The following GABRB2 variants were observed in gnomAD, a reference collection of about 807,000 sequenced individuals.
The protein encoded by GABRB2 is gamma-aminobutyric acid receptor subunit beta-2.
A neutral mutation model predicts 54.7 loss-of-function variants in GABRB2; 16 were observed. The ratio of observed to expected loss-of-function variants is 0.29; its 90% confidence interval spans 0.20 to 0.44. The LOEUF (loss-of-function observed/expected upper bound fraction) is 0.44. Among genes scored for constraint, GABRB2 ranks in the 20% least tolerant of loss-of-function variants. The pLI is 1.00. For missense variants in GABRB2, 355 were observed against 644.0 expected (o/e 0.55, Z 4.86); for synonymous variants, 244 against 233.8 (o/e 1.04, Z -0.40).
At chr5:161,456,219 G>A (rs771549035) in intron 4 of GABRB2, among the ~76,000 whole-genome samples, 42 of 152,112 alleles carry the variant, frequency 2.8e-4, no homozygotes, top group Non-Finnish European at 4.3e-4. Context: ...CCTTCAATAT[G>A]TCTTACCCAG....
intron 4 of GABRB2, among the ~76,000 whole-genome samples, chr5:161,422,299 A>G (rs1454988813): frequency 1.3e-5 from 2 of 152,118 alleles, no homozygotes; most frequent in Non-Finnish European, 2.9e-5. Flanking sequence ...TATAGCTAAT[A>G]TATAAGTAGA....
chr5:161,385,084 C>G (rs1457865221), intron 5 of GABRB2, among the ~76,000 whole-genome samples: 1 of 152,148 alleles, frequency 6.6e-6, no homozygotes, highest in Admixed American at 6.6e-5. Context: ...GCTGGAATCT[C>G]CCGCATTGAG....
chr5:161,310,265 C>A (rs889315564), intron 9 of GABRB2, among the ~76,000 whole-genome samples: 8 of 152,114 alleles, frequency 5.3e-5, no homozygotes, highest in African/African-American at 1.9e-4. Context: ...CCCCATGACA[C>A]AAGCTTACCT....
At chr5:161,313,394 G>T (rs921463483) in intron 9 of GABRB2, among the ~76,000 whole-genome samples, 6 of 151,978 alleles carry the variant, frequency 3.9e-5, no homozygotes, top group Admixed American at 2.6e-4. Flanking sequence ...CAGATGGAAT[G>T]TACCTTTTAC....
intron 5 of GABRB2, among the ~76,000 whole-genome samples, chr5:161,387,683 C>T (rs1698427053): frequency 6.6e-6 from 1 of 152,150 alleles, no homozygotes; most frequent in Non-Finnish European, 1.5e-5. Context: ...CCCCATCTTT[C>T]ATGTCAAACT....
intron 5 of GABRB2, among the ~76,000 whole-genome samples, chr5:161,341,267 G>T (rs1242685572): frequency 6.6e-6 from 1 of 151,692 alleles, no homozygotes; most frequent in Non-Finnish European, 1.5e-5. Context: ...TATATGACCT[G>T]ACTTTTACAG....
At chr5:161,354,255 C>A (rs911107507) in intron 5 of GABRB2, among the ~76,000 whole-genome samples, 4 of 151,964 alleles carry the variant, frequency 2.6e-5, no homozygotes, top group African/African-American at 7.2e-5. Flanking sequence ...AAGGACCACA[C>A]CTCTATGCAT....
At chr5:161,498,787 G>A (rs1235465343) in intron 3 of GABRB2, among the ~76,000 whole-genome samples, 2 of 152,080 alleles carry the variant, frequency 1.3e-5, no homozygotes, top group African/African-American at 4.8e-5. Context: ...GGAATCCAAG[G>A]CTCAGGGCAT....
Position 161,499,177 on chromosome 5 carries a change from G to A in GABRB2, c.238-39333C>T, listed in dbSNP as rs111432151. ...CATTCCTTTGACTCTGCCGGACTTC[G>A]TAGCCCCCACTGCCAGGTGTTGGGG... On this transcript the variant is annotated intron_variant, in intron 3 of 9. Coordinates refer to ENST00000393959, the MANE Select transcript of GABRB2 (RefSeq NM_001371727.1). 5.8e-3 allele frequency among the ~76,000 whole-genome samples: 883 copies of A among 152,130 alleles called. 8 individuals carry two copies. The highest frequency in any genetic ancestry group is 0.02 in the African/African-American group (818 of 41,488).
At chr5:161,481,231 T>TG (rs1758753399) in intron 3 of GABRB2, among the ~76,000 whole-genome samples, 1 of 152,048 alleles carries the variant, frequency 6.6e-6, no homozygotes, top group African/African-American at 2.4e-5. Context: ...ATATTAGATG[T>TG]GGCCACATAA....
chr5:161,375,370 C>T (rs574930166), intron 5 of GABRB2, among the ~76,000 whole-genome samples: 11 of 152,192 alleles, frequency 7.2e-5, no homozygotes, highest in Middle Eastern at 3.4e-3. Flanking sequence ...CTAGCAACAG[C>T]GGGTTGGTGT....
intron 4 of GABRB2, among the ~76,000 whole-genome samples, chr5:161,456,971 C>T (rs1357008818): frequency 6.6e-6 from 1 of 152,050 alleles, no homozygotes; most frequent in Admixed American, 6.5e-5. Flanking sequence ...AGAATAAAAG[C>T]TAACTTTAAC....
chr5:161,306,266 C>T (rs964134031), intron 9 of GABRB2, among the ~76,000 whole-genome samples: 3 of 152,194 alleles, frequency 2.0e-5, no homozygotes, highest in Admixed American at 6.5e-5. Flanking sequence ...TGGTTTCTGT[C>T]GCCCTGAGGC....
At chr5:161,509,016 C>A (rs1408124376) in intron 3 of GABRB2, among the ~76,000 whole-genome samples, 1 of 151,644 alleles carries the variant, frequency 6.6e-6, no homozygotes, top group Non-Finnish European at 1.5e-5. Context: ...TTTTAACTAG[C>A]AATATGAAAT....
At chr5:161,533,461 A>G (rs1037450195) in intron 3 of GABRB2, among the ~76,000 whole-genome samples, 1 of 152,158 alleles carries the variant, frequency 6.6e-6, no homozygotes, top group African/African-American at 2.4e-5. Context: ...AGATGGAAAC[A>G]GAGTAAAGTA....
intron 3 of GABRB2, among the ~76,000 whole-genome samples, chr5:161,485,300 T>C (rs1257574366): frequency 6.6e-6 from 1 of 151,898 alleles, no homozygotes; most frequent in Admixed American, 6.6e-5. Flanking sequence ...TTTCCCCCAG[T>C]GGTCTATAAA....
At chr5:161,309,861 G>C (rs947620171) in intron 9 of GABRB2, among the ~76,000 whole-genome samples, 2 of 152,078 alleles carry the variant, frequency 1.3e-5, no homozygotes, top group Non-Finnish European at 2.9e-5. Context: ...TCGATCTCCT[G>C]ACCTCGTGAT....
At chr5:161,402,824 T>C (rs1435377265) in intron 5 of GABRB2, among the ~76,000 whole-genome samples, 1 of 152,188 alleles carries the variant, frequency 6.6e-6, no homozygotes, top group Non-Finnish European at 1.5e-5. Context: ...GAGATTCTCC[T>C]GCCCATTCAC....
intron 5 of GABRB2, among the ~76,000 whole-genome samples, chr5:161,341,863 C>A (rs994262930): frequency 4.8e-5 from 7 of 145,824 alleles, no homozygotes; most frequent in African/African-American, 1.8e-4. Context: ...TGAACCTGTG[C>A]CAAGATATTA....
Sources: allele counts gnomAD v4.1 joint callset (sites outside exome capture counted in the v4.1 genomes callset), GRCh38; gene constraint gnomAD v4.1.1; transcripts MANE v1.5; gene names NCBI Gene and HGNC (gene_info 2026-07-23, HGNC 2026-07-21).